The following CDADC1 variants were observed in gnomAD, a reference collection of about 807,000 sequenced individuals.
The protein encoded by CDADC1 is cytidine and dCMP deaminase domain containing 1.
Under a neutral mutation model 54.9 loss-of-function variants are expected in CDADC1, and 39 were observed. That is an observed-to-expected ratio of 0.71 (90% CI 0.55 to 0.93). The LOEUF (loss-of-function observed/expected upper bound fraction) is 0.93. CDADC1 is among the 40% of genes least tolerant of loss of function. The pLI is 0.00. For synonymous variants in CDADC1, 186 were observed against 204.0 expected (o/e 0.91, Z 0.75); for missense variants, 518 against 618.8 (o/e 0.84, Z 1.73).
In CDADC1 at chr13:49,275,690, TA is replaced by T. The variant is rs1295634120; in HGVS notation, c.1050+1351del. Among the ~76,000 whole-genome samples, 41 of 17,026 alleles carry T rather than the reference TA, an allele frequency of 2.4e-3. No individual in the cohort carries two copies. In the East Asian group the frequency reaches 0.032, roughly 13 times the overall value. The allele number at this position is 17,026 out of a possible 152,430, so 11.2% of individuals were successfully genotyped here. On this transcript the variant is annotated intron_variant, in intron 6 of 9. Coordinates refer to ENST00000251108, the MANE Select transcript of CDADC1 (RefSeq NM_030911.4). The stretch of plus-strand genomic sequence containing the variant: ...ACTGAATTTTAAATTTTCTAGGTGT[TA>T]TATATATATATATATATATATATAT...
intron 6 of CDADC1, among the ~76,000 whole-genome samples, chr13:49,275,710 TATATATATATATATATAGAGAGAGAGAG>T (rs1953092250): frequency 1.4e-4 from 14 of 97,280 alleles, no homozygotes; most frequent in Admixed American, 8.8e-4. Context: ...TATATATATA[TATATATATATATATATAGAGAGAGAGAG>T]AGAGAGAGAG....
chr13:49,269,308 CTTTTATAAAAAGTA>C lies in CDADC1; in HGVS notation c.1000+1250_1000+1263del, dbSNP rs879584331. The stretch of plus-strand genomic sequence containing the variant: ...AAAAGTACAGATGCTATACTTTTTA[CTTTTATAAAAAGTA>C]CAGATGCTATACTTTTTACTTTTAT... On this transcript the variant is annotated intron_variant, in intron 5 of 9. Transcript: ENST00000251108. Among the ~76,000 whole-genome samples the C allele has an allele frequency of 5.1e-3, 416 of 81,018 alleles. 1 individual carries two copies. Among genetic ancestry groups the C allele is most frequent in the Middle Eastern group, 0.017 (3 of 180 alleles). The allele number at this position is 81,018 out of a possible 152,430, so 53.2% of individuals were successfully genotyped here. A position where few individuals can be genotyped will look rare whatever the true frequency, so the allele number is the denominator to read the frequency against.
At chr13:49,270,728 A>G (rs1197759383) in intron 5 of CDADC1, among the ~76,000 whole-genome samples, 4 of 152,226 alleles carry the variant, frequency 2.6e-5, no homozygotes, top group Admixed American at 1.3e-4. Context: ...TGGATGTAAA[A>G]GATTTCAGAT....
chr13:49,248,221 C>G, intron 1 of CDADC1, 102 bp downstream of exon 1: 3 of 1,062,954 alleles, frequency 2.8e-6, no homozygotes, highest in Non-Finnish European at 2.7e-6. Context: ...TCTTTGCCTC[C>G]CCTGCTGCTT....
At chr13:49,289,109 CTTTT>C (rs151005212) in intron 9 of CDADC1, among the ~76,000 whole-genome samples, 2 of 102,588 alleles carry the variant, frequency 1.9e-5, no homozygotes, top group Non-Finnish European at 3.9e-5. Flanking sequence ...ACGGAAGTAG[CTTTT>C]TTTTTGCTTT....
chr13:49,290,428 G>GAA (rs1247126442), intron 9 of CDADC1, among the ~76,000 whole-genome samples: 1 of 151,994 alleles, frequency 6.6e-6, no homozygotes, highest in East Asian at 1.9e-4. Context: ...TAGAGAGAGA[G>GAA]AATGTTTCAA....
chr13:49,249,413 T>C (rs1480194975), intron 2 of CDADC1, among the ~76,000 whole-genome samples: 1 of 152,228 alleles, frequency 6.6e-6, no homozygotes, highest in Admixed American at 6.5e-5. Flanking sequence ...TAGTCTCTTT[T>C]TGGATCTTGA....
intron 8 of CDADC1, among the ~76,000 whole-genome samples, chr13:49,283,620 A>G (rs1488321660): frequency 1.3e-5 from 2 of 152,210 alleles, no homozygotes; most frequent in Non-Finnish European, 1.5e-5. Flanking sequence ...TTTCAATTGT[A>G]AAGAGAATGA....
In CDADC1 at chr13:49,268,041, T is replaced by C. The variant is rs1426080792; in HGVS notation, c.982T>C (p.Leu328=). 6.2e-7 allele frequency: 1 copy of C among 1,610,874 alleles called. No homozygotes were observed. The highest frequency in any genetic ancestry group is 2.2e-5 in the East Asian group (1 of 44,866). ...AAGGCACTGCATGGTTCAGGCCAGG[T>C]TATTGGCATATCGAACTGGTGAGTT... is the stretch of plus-strand genomic sequence containing the variant. ...IARHCMVQAR[L]LAYRTEDHKT... The change falls in exon 5 of 10, where the codon TTA becomes CTA. Residue 328 remains leucine, a synonymous_variant. Coordinates refer to ENST00000251108, the MANE Select transcript of CDADC1 (RefSeq NM_030911.4).
At position 49,274,334 on chromosome 13, in the gene CDADC1, GA is replaced by G; in HGVS notation, c.1047del (p.Lys349AsnfsTer14). On this transcript the variant is annotated frameshift_variant, in exon 6 of 10. Transcript: ENST00000251108. LOFTEE classifies it high-confidence loss of function. The part of the protein sequence containing the change: ...GVGAVIWAEG[K>X]SRSCDGTGAM... ...TTGGGGCAGTCATTTGGGCAGAAGG[GA>G]AATCTGTAAGTATGAAAACAATTCT... The G allele has an allele frequency of 6.2e-7, 1 of 1,610,034 alleles. No homozygotes were observed. The highest frequency in any genetic ancestry group is 8.5e-7 in the Non-Finnish European group (1 of 1,176,768).
chr13:49,248,766 G>T (rs1952354794), intron 1 of CDADC1, 105 bp from the exon 2 acceptor site: 2 of 733,606 alleles, frequency 2.7e-6, no homozygotes, highest in Non-Finnish European at 2.5e-6. Context: ...TGTGCCTCTT[G>T]CGAAAGCAGC....
At chr13:49,275,718 TATATATATAGAGAGAG>T (rs1953100877) in intron 6 of CDADC1, among the ~76,000 whole-genome samples, 10 of 38,920 alleles carry the variant, frequency 2.6e-4, no homozygotes, top group East Asian at 1.3e-3. Flanking sequence ...TATATATATA[TATATATATAGAGAGAG>T]AGAGAGAGAG....
In CDADC1 at chr13:49,267,879, C is replaced by G. The variant is rs764429345; in HGVS notation, c.820C>G (p.Gln274Glu). 1 of 1,613,990 alleles carries G rather than the reference C, an allele frequency of 6.2e-7. No individual in the cohort carries two copies. The highest frequency in any genetic ancestry group is 1.3e-5 in the African/African-American group (1 of 74,930). ...CENPYFSNLR[Q>E]NMKDLILLLA... is the part of the protein sequence containing the mutation. The stretch of plus-strand genomic sequence containing the variant: ...AAATCCATACTTTAGCAATCTAAGG[C>G]AAAACATGAAAGACCTTATCCTACT... The change falls in exon 5 of 10, where the codon CAA becomes GAA. Residue 274 changes from glutamine (Q) to glutamate (E), a missense_variant. By Grantham distance (29) the Gln-to-Glu change is conservative. Transcript: ENST00000251108.
chr13:49,288,689 G>A (rs902933574), intron 9 of CDADC1, among the ~76,000 whole-genome samples: 12 of 151,928 alleles, frequency 7.9e-5, no homozygotes, highest in African/African-American at 2.9e-4. Context: ...ACTCAGAGGG[G>A]GACTTGCTGC....
intron 5 of CDADC1, among the ~76,000 whole-genome samples, chr13:49,273,744 T>G (rs1015814501): frequency 1.1e-4 from 16 of 152,004 alleles, no homozygotes; most frequent in African/African-American, 3.9e-4. Context: ...TAGCAATAGA[T>G]AGATAGATCC....
chr13:49,287,607 A>C (rs1380280470), intron 9 of CDADC1, among the ~76,000 whole-genome samples: 3 of 152,178 alleles, frequency 2.0e-5, no homozygotes, highest in Non-Finnish European at 4.4e-5. Context: ...TGTTAGGGAA[A>C]GGATACAAAA....
chr13:49,277,003 A>G (rs1262188362), intron 6 of CDADC1, among the ~76,000 whole-genome samples: 3 of 152,212 alleles, frequency 2.0e-5, no homozygotes, highest in Non-Finnish European at 4.4e-5. Context: ...ATGGAAAGAC[A>G]CATGGCTTAG....
chr13:49,247,983 A>G lies in CDADC1; in HGVS notation c.-55A>G. 1 of 1,493,958 alleles carries G rather than the reference A, an allele frequency of 6.7e-7. No homozygotes were observed. The highest frequency in any genetic ancestry group is 9.1e-7 in the Non-Finnish European group (1 of 1,095,462). 92.5% of individuals were successfully genotyped at this position (1,493,958 alleles called of 1,614,324 possible). A position where few individuals can be genotyped will look rare whatever the true frequency, so the allele number is the denominator to read the frequency against. Reference sequence around the variant, plus strand: ...GCGAGAGGCGGGGGCGCTAGGGCCGAGATCATGTCTGACTGGGAGAGGTTT... The same window carrying G: ...GCGAGAGGCGGGGGCGCTAGGGCCGGGATCATGTCTGACTGGGAGAGGTTT... On this transcript the variant is annotated 5_prime_UTR_variant, in exon 1 of 10. Coordinates refer to ENST00000251108, the MANE Select transcript of CDADC1 (RefSeq NM_030911.4).
intron 5 of CDADC1, among the ~76,000 whole-genome samples, chr13:49,270,150 A>T (rs1189908356): frequency 1.3e-5 from 2 of 152,240 alleles, no homozygotes; most frequent in African/African-American, 4.8e-5. Context: ...CTTTTTATCC[A>T]AAGATAAAGG....
Sources: allele counts gnomAD v4.1 joint callset (sites outside exome capture counted in the v4.1 genomes callset), GRCh38; gene constraint gnomAD v4.1.1; transcripts MANE v1.5; gene names NCBI Gene and HGNC (gene_info 2026-07-23, HGNC 2026-07-21).